Variants in GPM6A observed in about 807,000 individuals in gnomAD.
GPM6A encodes glycoprotein M6A.
GPM6A carries 7 observed loss-of-function variants against 32.1 expected under a neutral mutation model. The observed-to-expected ratio is 0.22, with a 90% CI of 0.12 to 0.41. GPM6A has a LOEUF of 0.41. GPM6A is among the 10% of genes least tolerant of loss of function. GPM6A has a pLI of 1.00. For synonymous variants in GPM6A, 130 were observed against 123.4 expected (o/e 1.05, Z -0.35); for missense variants, 235 against 347.2 (o/e 0.68, Z 2.57).
At chr4:175,935,876 T>C (rs1169509257) in intron 1 of GPM6A, among the ~76,000 whole-genome samples, 1 of 151,998 alleles carries the variant, frequency 6.6e-6, no homozygotes, top group Non-Finnish European at 1.5e-5. Context: ...AGAGGGGATA[T>C]TGATTTAATA....
chr4:175,921,476 G>A (rs1049799510), intron 1 of GPM6A, among the ~76,000 whole-genome samples: 3 of 151,086 alleles, frequency 2.0e-5, no homozygotes, highest in East Asian at 2.0e-4. Context: ...GTAAATCCAC[G>A]CATGATCCTG....
intron 3 of GPM6A, among the ~76,000 whole-genome samples, chr4:175,658,157 G>A (rs1199306046): frequency 6.6e-6 from 1 of 152,058 alleles, no homozygotes; most frequent in Non-Finnish European, 1.5e-5. Flanking sequence ...AAACTTGGAA[G>A]AAGCCAAAAT....
At chr4:175,734,414 G>A (rs141419917) in intron 1 of GPM6A, among the ~76,000 whole-genome samples, 44 of 152,194 alleles carry the variant, frequency 2.9e-4, no homozygotes, top group African/African-American at 9.2e-4. Context: ...AGAGTTCTGC[G>A]TGATTGGCCA....
chr4:175,934,349 A>G (rs1739152846), intron 1 of GPM6A, among the ~76,000 whole-genome samples: 1 of 152,240 alleles, frequency 6.6e-6, no homozygotes, highest in South Asian at 2.1e-4. Context: ...CATGAATCTC[A>G]GAAACCATAC....
intron 1 of GPM6A, among the ~76,000 whole-genome samples, chr4:175,842,115 A>G (rs1735954965): frequency 6.6e-6 from 1 of 152,144 alleles, no homozygotes; most frequent in Admixed American, 6.6e-5. Flanking sequence ...ATTTAAAAAT[A>G]TTTTGAAAAA....
At position 175,645,208 on chromosome 4, in the gene GPM6A, G is replaced by A. The variant is rs181221550; in HGVS notation, c.542-4379C>T. 2.1e-3 allele frequency among the ~76,000 whole-genome samples: 316 copies of A among 152,248 alleles called. 2 individuals carry two copies. The highest frequency in any genetic ancestry group is 6.9e-3 in the African/African-American group (286 of 41,548). On this transcript the variant is annotated intron_variant, in intron 4 of 6. Transcript: ENST00000393658. The stretch of plus-strand genomic sequence containing the variant: ...CTTGATGCATGAAAGTTGCAGTAAC[G>A]GGCTTCTTTAGTACCTTATATTTTT...
rs1740740530 is a variant in GPM6A, at chr4:175,637,293, TATATTATATATTATATATAA to T, written c.685-2256_685-2237del. On this transcript the variant is annotated intron_variant, in intron 6 of 6. Coordinates refer to ENST00000393658, the MANE Select transcript of GPM6A (RefSeq NM_201591.3). ...TATATATTATATATTATATAAAATATATATTATATATTATATATAATATAAAATATATATTATATATTATA... is the reference window on the plus strand; with the variant it reads ...TATATATTATATATTATATAAAATATTATAAAATATATATTATATATTATA... Among the ~76,000 whole-genome samples the T allele has an allele frequency of 1.2e-4, 6 of 50,100 alleles. 1 individual carries two copies. The highest frequency in any genetic ancestry group is 0.031 in the Middle Eastern group (2 of 64). The allele number at this position is 50,100 out of a possible 152,430, so 32.9% of individuals were successfully genotyped here.
chr4:175,965,587 C>G (rs1004056515), intron 1 of GPM6A, among the ~76,000 whole-genome samples: 1 of 148,942 alleles, frequency 6.7e-6, no homozygotes, highest in Non-Finnish European at 1.5e-5. Flanking sequence ...ATCAGAATAT[C>G]AGAAATGAAA....
chr4:175,734,695 A>T (rs1479295799), intron 1 of GPM6A, among the ~76,000 whole-genome samples: 1 of 152,014 alleles, frequency 6.6e-6, no homozygotes, highest in African/African-American at 2.4e-5. Flanking sequence ...AACACTGTGA[A>T]ACCCTGTCTC....
intron 1 of GPM6A, among the ~76,000 whole-genome samples, chr4:175,869,780 A>C (rs550121752): frequency 1.1e-4 from 16 of 151,430 alleles, no homozygotes; most frequent in African/African-American, 3.4e-4. Context: ...ACAAAAACAA[A>C]CAAAAAAAAA....
chr4:175,713,895 A>C (rs1745690871), intron 1 of GPM6A, among the ~76,000 whole-genome samples: 5 of 152,092 alleles, frequency 3.3e-5, no homozygotes, highest in Admixed American at 3.3e-4. Context: ...TAAGTTGCTT[A>C]TCTTTTCTCT....
At chr4:175,983,443 G>A (rs745588581) in intron 1 of GPM6A, among the ~76,000 whole-genome samples, 27 of 152,252 alleles carry the variant, frequency 1.8e-4, no homozygotes, top group Non-Finnish European at 3.7e-4. Context: ...CCTTTAACAG[G>A]TTAAGGAAGT....
At chr4:175,797,726 G>A (rs189468277) in intron 1 of GPM6A, among the ~76,000 whole-genome samples, 3 of 152,200 alleles carry the variant, frequency 2.0e-5, no homozygotes, top group East Asian at 3.9e-4. Flanking sequence ...TGTAGGCTTC[G>A]AAGTTCTTTT....
intron 1 of GPM6A, among the ~76,000 whole-genome samples, chr4:175,898,307 GT>G (rs1472576011): frequency 7.9e-5 from 12 of 152,170 alleles, no homozygotes; most frequent in African/African-American, 2.9e-4. Context: ...ATAATTACAA[GT>G]TCCCCAAGAC....
intron 1 of GPM6A, among the ~76,000 whole-genome samples, chr4:175,827,949 T>C (rs944459420): frequency 2.0e-5 from 3 of 152,188 alleles, no homozygotes; most frequent in Middle Eastern, 3.2e-3. Flanking sequence ...TAGGAAAAGC[T>C]AAGAGAAAGG....
chr4:175,665,494 T>C (rs529452401), intron 3 of GPM6A, among the ~76,000 whole-genome samples: 12 of 152,144 alleles, frequency 7.9e-5, no homozygotes, highest in East Asian at 5.8e-4. Flanking sequence ...AATAAAAGCA[T>C]TGGACGGCCG....
chr4:175,730,386 G>T (rs543372762), intron 1 of GPM6A, among the ~76,000 whole-genome samples: 1 of 151,800 alleles, frequency 6.6e-6, no homozygotes, highest in Non-Finnish European at 1.5e-5. Context: ...GGGACTACAG[G>T]CATGTGTCAC....
At chr4:175,964,385 C>T (rs1740270221) in intron 1 of GPM6A, among the ~76,000 whole-genome samples, 3 of 152,106 alleles carry the variant, frequency 2.0e-5, no homozygotes. Flanking sequence ...AATACCATTA[C>T]TATACTATAT....
intron 6 of GPM6A, among the ~76,000 whole-genome samples, chr4:175,635,268 C>T (rs1560839810): frequency 1.3e-5 from 2 of 152,134 alleles, no homozygotes; most frequent in African/African-American, 4.8e-5. Context: ...CCATTTCTTT[C>T]AGTATCTCTT....
Sources: allele counts gnomAD v4.1 joint callset (sites outside exome capture counted in the v4.1 genomes callset), GRCh38; gene constraint gnomAD v4.1.1; transcripts MANE v1.5; gene names NCBI Gene and HGNC (gene_info 2026-07-23, HGNC 2026-07-21).